NBEAL1: variants seen among roughly 807,000 people sequenced by gnomAD.
NBEAL1 encodes neurobeachin like 1.
Under a neutral mutation model 351.3 loss-of-function variants are expected in NBEAL1, and 273 were observed. The ratio of observed to expected loss-of-function variants is 0.78; its 90% CI spans 0.70 to 0.86. The LOEUF (loss-of-function observed/expected upper bound fraction) is 0.86, where lower values mean the gene tolerates loss of function less well. Among genes scored for constraint, NBEAL1 ranks in the 40% least tolerant of loss-of-function variants. The pLI is 0.00. For missense variants in NBEAL1, 2,961 were observed against 3,201.3 expected, an observed-to-expected ratio of 0.92 and a Z score of 1.81; for synonymous variants, 1,050 against 1,086.4, an observed-to-expected ratio of 0.97 and a Z score of 0.66.
chr2:203,069,388 T>G (rs2106128483), intron 7 of NBEAL1, among the ~76,000 whole-genome samples: 1 of 152,202 alleles, frequency 6.6e-6, no homozygotes, highest in South Asian at 2.1e-4. Flanking sequence ...GAAACTGGCC[T>G]CACTTAGAGG....
intron 24 of NBEAL1, among the ~76,000 whole-genome samples, chr2:203,128,237 C>A (rs1392371786): frequency 6.7e-6 from 1 of 149,966 alleles, no homozygotes; most frequent in Non-Finnish European, 1.5e-5. Flanking sequence ...CAGGTGTGCA[C>A]CCCCACACTG....
chr2:203,173,543 T>A (rs1440444087), intron 41 of NBEAL1, among the ~76,000 whole-genome samples: 2 of 152,158 alleles, frequency 1.3e-5, no homozygotes, highest in Non-Finnish European at 2.9e-5. Flanking sequence ...TACTTTTTTT[T>A]TCTACTTTTT....
rs570679094 is a variant in NBEAL1 at position 203,083,010 on chromosome 2, CAA to C, written c.685-208_685-207del. 2.3e-4 allele frequency among the ~76,000 whole-genome samples: 35 copies of C among 152,242 alleles called. No individual in the cohort carries two copies. In the East Asian group the frequency reaches 5.6e-3, roughly 24 times the overall value. ...TATGTCACATGGCTACCCTTAGCCA[CAA>C]GAGAGAGTGTAAAGTGAGTTTTCTG... is the stretch of plus-strand genomic sequence containing the variant. On this transcript the variant is annotated intron_variant, in intron 8 of 55. Coordinates refer to ENST00000683969, the MANE Select transcript of NBEAL1 (RefSeq NM_001378026.1).
chr2:203,109,483 A>C (rs1223328432), intron 14 of NBEAL1, among the ~76,000 whole-genome samples: 1 of 152,214 alleles, frequency 6.6e-6, no homozygotes, highest in Non-Finnish European at 1.5e-5. Context: ...GTGTCTGTAC[A>C]TCCAGACTTA....
At chr2:203,188,419 A>G in intron 44 of NBEAL1, 53 bp from the exon 45 acceptor site, 1 of 945,978 alleles carries the variant, frequency 1.1e-6, no homozygotes. Context: ...CTGAATTTAC[A>G]ATGTAGTTGG....
intron 36 of NBEAL1, among the ~76,000 whole-genome samples, chr2:203,162,263 A>G (rs1416493910): frequency 1.3e-5 from 2 of 151,750 alleles, no homozygotes; most frequent in East Asian, 1.9e-4. Flanking sequence ...ACCCCAAGTG[A>G]TACTCCCACC....
At chr2:203,100,078 A>G (rs915412376) in intron 12 of NBEAL1, among the ~76,000 whole-genome samples, 7 of 152,184 alleles carry the variant, frequency 4.6e-5, no homozygotes, top group African/African-American at 1.7e-4. Context: ...ATATGAGGAT[A>G]TGATCTCCTT....
chr2:203,166,384 A>C, intron 37 of NBEAL1, 87 bp downstream of exon 37: 1 of 1,230,006 alleles, frequency 8.1e-7, no homozygotes. Flanking sequence ...GAAAGCAGTA[A>C]GATATAACTA....
intron 37 of NBEAL1, among the ~76,000 whole-genome samples, chr2:203,166,784 A>G (rs2064147611): frequency 6.6e-6 from 1 of 151,578 alleles, no homozygotes; most frequent in African/African-American, 2.4e-5. Context: ...CGAACTCCCA[A>G]ACTCATGTGA....
chr2:203,093,190 C>T (rs2062101738), intron 10 of NBEAL1, among the ~76,000 whole-genome samples: 1 of 132,986 alleles, frequency 7.5e-6, no homozygotes, highest in African/African-American at 2.8e-5. Context: ...CGAGATCACA[C>T]CACTGCACTC....
At chr2:203,115,891 G>GA in intron 17 of NBEAL1, 94 bp from the exon 18 acceptor site, 1 of 793,380 alleles carries the variant, frequency 1.3e-6, no homozygotes, top group South Asian at 1.9e-5. Flanking sequence ...TGAGTAGCTT[G>GA]AAACAGCTTA....
chr2:203,026,087 A>C (rs2060851256), intron 2 of NBEAL1, among the ~76,000 whole-genome samples: 1 of 152,130 alleles, frequency 6.6e-6, no homozygotes, highest in African/African-American at 2.4e-5. Flanking sequence ...CTCCTACATA[A>C]TATTCTATAG....
chr2:203,204,938 A>G (rs966807648), intron 51 of NBEAL1, among the ~76,000 whole-genome samples: 4 of 152,168 alleles, frequency 2.6e-5, no homozygotes, highest in African/African-American at 9.6e-5. Flanking sequence ...GGTAGATAAT[A>G]CAATCATGTG....
chr2:203,068,409 G>A lies in NBEAL1; in HGVS notation c.532G>A (p.Val178Met), dbSNP rs927181980. ...TAATGATAGACGAATCCTTAGTACT[G>A]TGGAAAAGAGCAGACAGAAATATAA... ...HRISGRILST[V>M]EKSRQKYKPA... is the part of the protein sequence containing the mutation. The change falls in exon 7 of 56, where the codon GTG (valine) becomes ATG (methionine). Residue 178 changes from valine to methionine, a missense_variant. Physicochemically the swap from Val to Met is conservative, Grantham distance 21. Coordinates refer to ENST00000683969, the MANE Select transcript of NBEAL1 (RefSeq NM_001378026.1). 15 of 1,546,144 alleles carry A rather than the reference G, an allele frequency of 9.7e-6. No homozygotes were observed. Among genetic ancestry groups the A allele is most frequent in the Admixed American group, 2.0e-5 (1 of 50,714 alleles).
chr2:203,199,771 T>C (rs948472958), intron 49 of NBEAL1, among the ~76,000 whole-genome samples: 10 of 152,052 alleles, frequency 6.6e-5, no homozygotes, highest in African/African-American at 1.9e-4. Flanking sequence ...CGCCTGGCCC[T>C]GAAAGTAATG....
intron 51 of NBEAL1, among the ~76,000 whole-genome samples, chr2:203,207,743 C>G (rs562534492): frequency 1.3e-4 from 20 of 152,300 alleles, no homozygotes; most frequent in African/African-American, 4.8e-4. Context: ...TCACCACTCC[C>G]TAATCTCAAG....
intron 34 of NBEAL1, among the ~76,000 whole-genome samples, chr2:203,149,379 T>G (rs1033253907): frequency 6.6e-6 from 1 of 152,150 alleles, no homozygotes; most frequent in Non-Finnish European, 1.5e-5. Context: ...ATATGAAGTT[T>G]ATTGGACTTT....
intron 17 of NBEAL1, among the ~76,000 whole-genome samples, chr2:203,113,948 A>G (rs1438706667): frequency 1.3e-5 from 2 of 151,020 alleles, no homozygotes; most frequent in Non-Finnish European, 2.9e-5. Context: ...CAGCCTCCCG[A>G]GTAACTGGGA....
chr2:203,053,294 T>C (rs546835414), intron 4 of NBEAL1, among the ~76,000 whole-genome samples: 2 of 152,302 alleles, frequency 1.3e-5, no homozygotes, highest in Non-Finnish European at 2.9e-5. Context: ...TAGTATCTTA[T>C]TGTTTTAATT....
Sources: gnomAD v4.1 joint callset for allele counts (sites outside exome capture counted in the v4.1 genomes callset) on GRCh38, gnomAD v4.1.1 for gene constraint, MANE v1.5 for transcripts, NCBI Gene and HGNC (gene_info 2026-07-23, HGNC 2026-07-21) for gene names.